NRG3: variants seen among roughly 807,000 people sequenced by gnomAD.
The protein encoded by NRG3 is neuregulin 3.
A neutral mutation model predicts 66.9 loss-of-function variants in NRG3; 31 were observed. The ratio of observed to expected loss-of-function variants is 0.46; its 90% CI spans 0.35 to 0.63. The LOEUF (loss-of-function observed/expected upper bound fraction) is 0.63. NRG3 is among the 20% of genes least tolerant of loss of function. NRG3 has a pLI of 0.00. For missense variants in NRG3, 910 were observed against 878.9 expected (o/e 1.04, Z -0.45); for synonymous variants, 393 against 359.4 (o/e 1.09, Z -1.06).
intron 1 of NRG3, among the ~76,000 whole-genome samples, chr10:82,009,445 A>T (rs1468319388): frequency 2.0e-5 from 3 of 152,058 alleles, no homozygotes; most frequent in Admixed American, 1.3e-4. Context: ...AAGCATACAT[A>T]CCTAGTCTGT....
At chr10:82,418,399 T>G (rs374697769) in intron 2 of NRG3, among the ~76,000 whole-genome samples, 7 of 145,872 alleles carry the variant, frequency 4.8e-5, no homozygotes, top group African/African-American at 1.5e-4. Context: ...TATGCAAATG[T>G]TTATGCAAAT....
At chr10:82,495,672 A>G (rs1166202363) in intron 2 of NRG3, among the ~76,000 whole-genome samples, 1 of 152,152 alleles carries the variant, frequency 6.6e-6, no homozygotes, top group Non-Finnish European at 1.5e-5. Flanking sequence ...TTACAAAATT[A>G]CAGTTAAAAG....
intron 2 of NRG3, among the ~76,000 whole-genome samples, chr10:82,728,201 C>T (rs999916906): frequency 1.9e-4 from 29 of 151,952 alleles, no homozygotes; most frequent in East Asian, 5.8e-4. Flanking sequence ...CTGTAGGGAA[C>T]GCATGATTTG....
intron 1 of NRG3, among the ~76,000 whole-genome samples, chr10:81,924,341 G>C (rs1021603094): frequency 1.3e-5 from 2 of 152,192 alleles, no homozygotes; most frequent in Admixed American, 6.5e-5. Flanking sequence ...TTGTTTTACT[G>C]TAGTTACACC....
chr10:82,509,050 T>C (rs1040807783), intron 2 of NRG3, among the ~76,000 whole-genome samples: 2 of 152,186 alleles, frequency 1.3e-5, no homozygotes, highest in African/African-American at 4.8e-5. Context: ...GTTTACTAAT[T>C]ACTATCACAG....
At chr10:82,375,869 C>T (rs538889253) in intron 2 of NRG3, among the ~76,000 whole-genome samples, 1 of 152,290 alleles carries the variant, frequency 6.6e-6, no homozygotes, top group African/African-American at 2.4e-5. Flanking sequence ...GCGTTTATGA[C>T]ATTTGTATCA....
intron 1 of NRG3, among the ~76,000 whole-genome samples, chr10:82,308,983 A>C (rs1370282947): frequency 6.6e-6 from 1 of 152,182 alleles, no homozygotes; most frequent in Non-Finnish European, 1.5e-5. Flanking sequence ...TCACTGGTTT[A>C]TCTCTCCCTC....
Position 82,710,728 on chromosome 10 carries a change from T to C in NRG3, c.954-27849T>C, listed in dbSNP as rs1235854652. Among the ~76,000 whole-genome samples the C allele has an allele frequency of 2.0e-5, 3 of 151,936 alleles. No individual in the cohort carries two copies. In the East Asian group the frequency reaches 5.8e-4, roughly 29 times the overall value. ...TTTATTTTATTTTATTTTATTTTTA[T>C]TTTATGACACAAATGGGTCATTTGT... On this transcript the variant is annotated intron_variant, in intron 2 of 8. Coordinates refer to ENST00000372141, the MANE Select transcript of NRG3 (RefSeq NM_001010848.4).
chr10:82,863,200 T>TTATTC (rs545466450), intron 3 of NRG3, among the ~76,000 whole-genome samples: 158 of 152,362 alleles, frequency 1.0e-3, no homozygotes, highest in African/African-American at 3.6e-3. Context: ...TCATTCTTTT[T>TTATTC]TATGACTGCA....
chr10:82,568,121 C>T (rs1031955802), intron 2 of NRG3, among the ~76,000 whole-genome samples: 6 of 151,894 alleles, frequency 4.0e-5, no homozygotes, highest in South Asian at 2.1e-4. Flanking sequence ...TGAACTAGAA[C>T]GGATGCAGGC....
At chr10:82,698,715 T>A (rs1229516050) in intron 2 of NRG3, among the ~76,000 whole-genome samples, 1 of 152,130 alleles carries the variant, frequency 6.6e-6, no homozygotes, top group Non-Finnish European at 1.5e-5. Context: ...GCTGATAATA[T>A]AAATATCTAG....
At chr10:82,889,274 A>C (rs1310293368) in intron 4 of NRG3, among the ~76,000 whole-genome samples, 2 of 152,076 alleles carry the variant, frequency 1.3e-5, no homozygotes, top group African/African-American at 4.8e-5. Context: ...ACTGAGAGAG[A>C]GTCTGCTGGA....
chr10:82,874,938 T>C (rs1402282013), intron 4 of NRG3, among the ~76,000 whole-genome samples: 1 of 152,204 alleles, frequency 6.6e-6, no homozygotes, highest in African/African-American at 2.4e-5. Flanking sequence ...TCCCTTCATG[T>C]CATAAGGATC....
chr10:82,047,116 A>C (rs375377808), intron 1 of NRG3, among the ~76,000 whole-genome samples: 4 of 151,104 alleles, frequency 2.6e-5, no homozygotes, highest in Non-Finnish European at 5.9e-5. Flanking sequence ...CTCTTTTTCT[A>C]TTGATTGGAA....
chr10:82,557,178 T>C (rs750802682), intron 2 of NRG3, among the ~76,000 whole-genome samples: 2 of 152,194 alleles, frequency 1.3e-5, no homozygotes, highest in Non-Finnish European at 2.9e-5. Flanking sequence ...CTAGTTCGAA[T>C]GGTAGTTCTG....
chr10:82,961,858 T>A (rs1011987278), intron 6 of NRG3, among the ~76,000 whole-genome samples: 1 of 152,152 alleles, frequency 6.6e-6, no homozygotes, highest in Non-Finnish European at 1.5e-5. Flanking sequence ...GGGTGACGGG[T>A]TATTCAGGCA....
intron 3 of NRG3, among the ~76,000 whole-genome samples, chr10:82,861,785 C>T (rs983687697): frequency 5.3e-5 from 8 of 152,220 alleles, no homozygotes; most frequent in African/African-American, 1.7e-4. Flanking sequence ...TGTCATGGAA[C>T]ACCTGTGGTC....
intron 2 of NRG3, among the ~76,000 whole-genome samples, chr10:82,564,623 A>G (rs193042295): frequency 1.3e-5 from 2 of 152,228 alleles, no homozygotes; most frequent in Middle Eastern, 3.4e-3. Context: ...AGAAATTCTT[A>G]GACTCTAACA....
At chr10:81,888,098 T>TGGTA (rs1842752819) in intron 1 of NRG3, among the ~76,000 whole-genome samples, 1 of 152,104 alleles carries the variant, frequency 6.6e-6, no homozygotes, top group Non-Finnish European at 1.5e-5. Context: ...AGAGACTGGA[T>TGGTA]GGTAGCTCTG....
Sources: gnomAD v4.1 joint callset for allele counts (sites outside exome capture counted in the v4.1 genomes callset) on GRCh38, gnomAD v4.1.1 for gene constraint, MANE v1.5 for transcripts, NCBI Gene and HGNC (gene_info 2026-07-23, HGNC 2026-07-21) for gene names.